Variants in FAM133B observed in about 807,000 individuals in gnomAD.
FAM133B encodes the protein family with sequence similarity 133 member B.
In FAM133B, 25 loss-of-function variants were observed where a neutral mutation model predicts 46.4. The observed-to-expected ratio is 0.54, with a 90% CI of 0.39 to 0.75. The LOEUF (loss-of-function observed/expected upper bound fraction) is 0.75, where lower values mean the gene tolerates loss of function less well. Ranked by LOEUF, FAM133B falls within the 30% of genes least tolerant of loss-of-function variation. The pLI is 0.00. For synonymous variants in FAM133B, 75 were observed against 86.0 expected, an observed-to-expected ratio of 0.87 and a Z score of 0.71; for missense variants, 205 against 277.6, an observed-to-expected ratio of 0.74 and a Z score of 1.86.
chr7:92,572,382 T>A (rs1321060966), intron 8 of FAM133B, among the ~76,000 whole-genome samples: 3 of 152,196 alleles, frequency 2.0e-5, no homozygotes, highest in Non-Finnish European at 4.4e-5. Context: ...TGTATGCACA[T>A]CCTAGAACTT....
intron 8 of FAM133B, 133 bp from the exon 9 acceptor site, chr7:92,570,048 C>T: frequency 4.9e-6 from 2 of 408,958 alleles, no homozygotes; most frequent in East Asian, 3.9e-5. Context: ...AAAAGTGTAA[C>T]ATTTACCAGG....
In FAM133B at chr7:92,585,527, T is replaced by A. The variant is rs74521593; in HGVS notation, c.25-3924A>T. 9.2e-3 allele frequency: 1,818 copies of A among 196,842 alleles called. 11 individuals are homozygous for A. The highest frequency in any genetic ancestry group is 0.021 in the Middle Eastern group (8 of 390). The allele number at this position is 196,842 out of a possible 1,614,324, so 12.2% of individuals were successfully genotyped here. ...AACACTGAAAACACCCAAATAGCTA[T>A]CAAACTGGGATTCGCTAAATATATT... On this transcript the variant is annotated intron_variant, in intron 1 of 10. Coordinates refer to ENST00000445716, the MANE Select transcript of FAM133B (RefSeq NM_152789.4).
chr7:92,571,310 T>C (rs889988704), intron 8 of FAM133B, among the ~76,000 whole-genome samples: 1 of 152,234 alleles, frequency 6.6e-6, no homozygotes, highest in Non-Finnish European at 1.5e-5. Flanking sequence ...TGTTTTCTTT[T>C]AGAATTGCCT....
chr7:92,576,549 G>T (rs1341241508), intron 7 of FAM133B, among the ~76,000 whole-genome samples: 1 of 152,158 alleles, frequency 6.6e-6, no homozygotes, highest in Non-Finnish European at 1.5e-5. Context: ...AAACACCCCA[G>T]TATCAGAATC....
chr7:92,565,902 C>A, intron 10 of FAM133B, 112 bp downstream of exon 10: 2 of 1,167,492 alleles, frequency 1.7e-6, no homozygotes, highest in East Asian at 2.4e-5. Flanking sequence ...ACACCTTTCC[C>A]AACAAATACT....
At chr7:92,587,497 G>A (rs974798319) in intron 1 of FAM133B, among the ~76,000 whole-genome samples, 3 of 152,240 alleles carry the variant, frequency 2.0e-5, no homozygotes, top group African/African-American at 7.2e-5. Flanking sequence ...TTTGGAGGCC[G>A]AGACGGGAGG....
At position 92,575,787 on chromosome 7, in the gene FAM133B, C is replaced by G; in HGVS notation, c.500G>C (p.Gly167Ala). The G allele has an allele frequency of 7.2e-7, 1 of 1,379,628 alleles. No homozygotes were observed. Among genetic ancestry groups the G allele is most frequent in the Non-Finnish European group, 1.0e-6 (1 of 976,818 alleles). 85.5% of individuals were successfully genotyped at this position (1,379,628 alleles called of 1,614,324 possible). Residue 167 changes from glycine to alanine, a missense_variant, in exon 8 of 11, where the codon GGA (glycine) becomes GCA (alanine). By Grantham distance (60) the Gly-to-Ala change is moderately conservative. Coordinates refer to ENST00000445716, the MANE Select transcript of FAM133B (RefSeq NM_152789.4). ...SLKKKKKSKD[G>A]TEKEKDIKGL... The stretch of plus-strand genomic sequence containing the variant: ...TATAGTTACCTTTTCTTTCTCAGTT[C>G]CATCTTTTGACTTCTTTTTCTTTTT...
rs1416027438 is a variant in FAM133B, at chr7:92,566,000, T to A, written c.657+14A>T. ...CCTATTCTATTGTCTGTAAAAACGT[T>A]AAGAGATACTTGCTGTTGCTTTTTC... On this transcript the variant is annotated intron_variant, in intron 10 of 10. Transcript: ENST00000445716. The A allele has an allele frequency of 6.2e-7, 1 of 1,613,670 alleles. No homozygotes were observed. The highest frequency in any genetic ancestry group is 8.5e-7 in the Non-Finnish European group (1 of 1,179,704).
rs543378801 is a variant in FAM133B at position 92,561,330 on chromosome 7, A to C, written c.*952T>G. The C allele has an allele frequency of 7.1e-6, 1 of 140,164 alleles. No individual in the cohort carries two copies. Among genetic ancestry groups the C allele is most frequent in the South Asian group, 2.5e-4 (1 of 3,936 alleles). 8.7% of individuals were successfully genotyped at this position (140,164 alleles called of 1,614,324 possible). A position where few individuals can be genotyped will look rare whatever the true frequency, so the allele number is the denominator to read the frequency against. On this transcript the variant is annotated 3_prime_UTR_variant, in exon 11 of 11. Transcript: ENST00000445716. The stretch of plus-strand genomic sequence containing the variant: ...TAACAAAAGCTAAACATTGCAGCCT[A>C]AACAAAATTCATACAAAAAAATAAA...
intron 3 of FAM133B, 89 bp downstream of exon 3, chr7:92,579,228 T>A: frequency 8.8e-7 from 1 of 1,135,492 alleles, no homozygotes; most frequent in South Asian, 1.4e-5. Flanking sequence ...GGCCTCCCGT[T>A]TCGGCCTCCC....
At chr7:92,573,907 C>T (rs1193992632) in intron 8 of FAM133B, among the ~76,000 whole-genome samples, 1 of 151,746 alleles carries the variant, frequency 6.6e-6, no homozygotes, top group Non-Finnish European at 1.5e-5. Context: ...GATGCAGGGT[C>T]TCACTCTCTC....
At chr7:92,566,163 G>T in intron 9 of FAM133B, 102 bp from the exon 10 acceptor site, 1 of 1,069,002 alleles carries the variant, frequency 9.4e-7, no homozygotes, top group Non-Finnish European at 1.4e-6. Context: ...AAATTTAAAT[G>T]TAAAAAACAT....
chr7:92,564,351 CTT>C (rs1179808396), intron 10 of FAM133B, among the ~76,000 whole-genome samples: 1 of 152,196 alleles, frequency 6.6e-6, no homozygotes, highest in Non-Finnish European at 1.5e-5. Context: ...ATCTCATACT[CTT>C]TTGTACTCTT....
At chr7:92,572,502 G>C (rs559265502) in intron 8 of FAM133B, among the ~76,000 whole-genome samples, 1 of 152,144 alleles carries the variant, frequency 6.6e-6, no homozygotes, top group Non-Finnish European at 1.5e-5. Flanking sequence ...GGCGGATCAC[G>C]TGGTCAAGAG....
intron 1 of FAM133B, 25 bp from the exon 2 acceptor site, chr7:92,581,628 C>T: frequency 3.2e-6 from 5 of 1,578,194 alleles, no homozygotes; most frequent in South Asian, 1.1e-5. Context: ...AACAATTAAT[C>T]CATTAAAGCA....
intron 1 of FAM133B, 144 bp downstream of exon 1, chr7:92,590,124 G>C (rs1346543288): frequency 1.6e-6 from 2 of 1,222,304 alleles, no homozygotes; most frequent in East Asian, 5.0e-5. Flanking sequence ...CGCGCATCTG[G>C]GATCGGCGGA....
chr7:92,568,155 G>T (rs1456722984), intron 9 of FAM133B, among the ~76,000 whole-genome samples: 1 of 151,980 alleles, frequency 6.6e-6, no homozygotes, highest in Non-Finnish European at 1.5e-5. Flanking sequence ...CTCCTGGTCT[G>T]AACTGATTCT....
rs1794177321 is a variant in FAM133B at position 92,562,164 on chromosome 7, G to T, written c.*118C>A. Reference sequence around the variant, plus strand: ...TCTGAGTGGCTACTGAATAGTCCAGGAATAATTCCAAAAACAAGAAAATTC... The same window carrying T: ...TCTGAGTGGCTACTGAATAGTCCAGTAATAATTCCAAAAACAAGAAAATTC... On this transcript the variant is annotated 3_prime_UTR_variant, in exon 11 of 11. Transcript: ENST00000445716. 2 of 1,289,588 alleles carry T rather than the reference G, an allele frequency of 1.6e-6. No individual in the cohort carries two copies. Among genetic ancestry groups the T allele is most frequent in the Non-Finnish European group, 2.1e-6 (2 of 964,014 alleles). 79.9% of individuals were successfully genotyped at this position (1,289,588 alleles called of 1,614,324 possible).
chr7:92,588,702 T>C (rs1251472357), intron 1 of FAM133B, among the ~76,000 whole-genome samples: 1 of 152,134 alleles, frequency 6.6e-6, no homozygotes, highest in Non-Finnish European at 1.5e-5. Context: ...GGGAGGTGAC[T>C]GGATCATGGG....
Sources: gnomAD v4.1 joint callset for allele counts (sites outside exome capture counted in the v4.1 genomes callset) on GRCh38, gnomAD v4.1.1 for gene constraint, MANE v1.5 for transcripts, NCBI Gene and HGNC (gene_info 2026-07-23, HGNC 2026-07-21) for gene names.